The following FSTL5 variants were observed in gnomAD, a reference collection of about 807,000 sequenced individuals.
The protein encoded by FSTL5 is follistatin like 5, also known as follistatin-related protein 5.
A neutral mutation model predicts 89.1 loss-of-function variants in FSTL5; 62 were observed. That is an observed-to-expected ratio of 0.70 (90% CI 0.57 to 0.86). FSTL5 has a LOEUF of 0.86. Ranked by LOEUF, FSTL5 falls within the 40% of genes least tolerant of loss-of-function variation. FSTL5 has a pLI of 0.00. For synonymous variants in FSTL5, 383 were observed against 346.2 expected, an observed-to-expected ratio of 1.11 and a Z score of -1.18; for missense variants, 1,057 against 1,001.6, an observed-to-expected ratio of 1.06 and a Z score of -0.75.
chr4:161,478,134 G>A (rs889178843), intron 13 of FSTL5, among the ~76,000 whole-genome samples: 4 of 151,992 alleles, frequency 2.6e-5, no homozygotes, highest in African/African-American at 7.2e-5. Flanking sequence ...GAAATAAAGT[G>A]TACAAAATTG....
chr4:162,081,967 AAC>A (rs1730118223), intron 2 of FSTL5, among the ~76,000 whole-genome samples: 1 of 151,680 alleles, frequency 6.6e-6, no homozygotes, highest in East Asian at 1.9e-4. Context: ...AAATGTCTAG[AAC>A]ACACAGGATT....
At chr4:161,572,605 A>G (rs897352274) in intron 8 of FSTL5, among the ~76,000 whole-genome samples, 2 of 152,176 alleles carry the variant, frequency 1.3e-5, no homozygotes, top group Non-Finnish European at 2.9e-5. Flanking sequence ...GATTACTTAC[A>G]TAGATACTAT....
intron 2 of FSTL5, among the ~76,000 whole-genome samples, chr4:162,109,348 C>T (rs1030868646): frequency 9.2e-5 from 14 of 152,038 alleles, no homozygotes; most frequent in African/African-American, 1.4e-4. Flanking sequence ...GTCAAACATA[C>T]ACTTTCTCAC....
intron 4 of FSTL5, among the ~76,000 whole-genome samples, chr4:161,828,410 T>C (rs1730735735): frequency 6.6e-6 from 1 of 152,192 alleles, no homozygotes; most frequent in Admixed American, 6.5e-5. Context: ...GTAAAAGTTC[T>C]AGATGTATGT....
chr4:162,126,835 T>C (rs1052916905), intron 1 of FSTL5, among the ~76,000 whole-genome samples: 1 of 152,190 alleles, frequency 6.6e-6, no homozygotes, highest in African/African-American at 2.4e-5. Flanking sequence ...GTTGTGGGTG[T>C]GCATGTGTGC....
intron 4 of FSTL5, among the ~76,000 whole-genome samples, chr4:161,813,320 C>T (rs930152947): frequency 1.7e-4 from 26 of 152,178 alleles, no homozygotes; most frequent in Middle Eastern, 3.4e-3. Flanking sequence ...TGAGCCACCG[C>T]GCCTGGCTGA....
At chr4:161,815,467 C>T (rs1246466197) in intron 4 of FSTL5, among the ~76,000 whole-genome samples, 1 of 151,908 alleles carries the variant, frequency 6.6e-6, no homozygotes, top group Admixed American at 6.6e-5. Context: ...ATATATTATT[C>T]TATGTATAGC....
At chr4:161,405,876 T>C (rs1353712558) in intron 15 of FSTL5, among the ~76,000 whole-genome samples, 2 of 152,194 alleles carry the variant, frequency 1.3e-5, no homozygotes, top group African/African-American at 4.8e-5. Context: ...AATAGGATGA[T>C]AGTTTCAAAG....
intron 3 of FSTL5, among the ~76,000 whole-genome samples, chr4:161,969,897 A>G (rs955819450): frequency 1.3e-5 from 2 of 152,126 alleles, no homozygotes; most frequent in Non-Finnish European, 2.9e-5. Context: ...AAGATAAAAA[A>G]TATGGTGTAT....
chr4:162,101,666 T>A (rs1318399800), intron 2 of FSTL5, among the ~76,000 whole-genome samples: 4 of 152,208 alleles, frequency 2.6e-5, no homozygotes, highest in African/African-American at 7.2e-5. Flanking sequence ...CAAGAAATAA[T>A]GGAATAAGTA....
chr4:162,073,874 C>A (rs1476292673), intron 2 of FSTL5, among the ~76,000 whole-genome samples: 1 of 151,708 alleles, frequency 6.6e-6, no homozygotes, highest in Admixed American at 6.6e-5. Context: ...TCGTTAACAT[C>A]CTCAGGCCAA....
chr4:161,969,412 T>G (rs1735419117), intron 3 of FSTL5, among the ~76,000 whole-genome samples: 1 of 152,154 alleles, frequency 6.6e-6, no homozygotes, highest in East Asian at 1.9e-4. Flanking sequence ...CAGCGATCTA[T>G]CTATAGAACC....
In FSTL5 at chr4:161,953,694, T is replaced by C. The variant is rs565006342; in HGVS notation, c.161-33042A>G. Among the ~76,000 whole-genome samples, 4 of 151,690 alleles carry C rather than the reference T, an allele frequency of 2.6e-5. No individual in the cohort carries two copies. In the East Asian group the frequency reaches 5.8e-4, roughly 22 times the overall value. Reference sequence around the variant, plus strand: ...TAGCCATAGAATTAGCAAGCACATATTTTTTTCAATGAGAACAAATATTTT... The same window carrying C: ...TAGCCATAGAATTAGCAAGCACATACTTTTTTCAATGAGAACAAATATTTT... On this transcript the variant is annotated intron_variant, in intron 3 of 15. Coordinates refer to ENST00000306100, the MANE Select transcript of FSTL5 (RefSeq NM_020116.5).
intron 2 of FSTL5, among the ~76,000 whole-genome samples, chr4:162,033,877 C>T (rs967818639): frequency 2.6e-5 from 4 of 152,150 alleles, no homozygotes; most frequent in African/African-American, 9.7e-5. Flanking sequence ...TGGTTCACTG[C>T]AGCCTCAACC....
At chr4:161,927,698 G>T (rs1044565183) in intron 3 of FSTL5, among the ~76,000 whole-genome samples, 1 of 151,260 alleles carries the variant, frequency 6.6e-6, no homozygotes, top group Non-Finnish European at 1.5e-5. Context: ...AGTAAATATT[G>T]GTCATTAAAA....
intron 13 of FSTL5, among the ~76,000 whole-genome samples, chr4:161,478,871 T>G (rs1401406634): frequency 2.0e-5 from 3 of 152,014 alleles, no homozygotes; most frequent in Non-Finnish European, 4.4e-5. Context: ...AAGAAAGAAT[T>G]ACCCTAGCAA....
At chr4:161,940,858 C>T (rs1734561976) in intron 3 of FSTL5, among the ~76,000 whole-genome samples, 2 of 151,762 alleles carry the variant, frequency 1.3e-5, no homozygotes, top group Admixed American at 6.6e-5. Context: ...CTGATAAAGG[C>T]AACTACATAG....
chr4:162,067,057 A>G (rs1324653210), intron 2 of FSTL5, among the ~76,000 whole-genome samples: 2 of 151,848 alleles, frequency 1.3e-5, no homozygotes, highest in African/African-American at 2.4e-5. Context: ...TTTGTTTGAG[A>G]CAAGATCTTG....
At chr4:162,092,830 T>C (rs1380623218) in intron 2 of FSTL5, among the ~76,000 whole-genome samples, 1 of 150,602 alleles carries the variant, frequency 6.6e-6, no homozygotes, top group East Asian at 2.0e-4. Context: ...GCACCTGTTA[T>C]CCCAGCTACT....
Sources: allele counts gnomAD v4.1 joint callset (sites outside exome capture counted in the v4.1 genomes callset), GRCh38; gene constraint gnomAD v4.1.1; transcripts MANE v1.5; gene names NCBI Gene and HGNC (gene_info 2026-07-23, HGNC 2026-07-21).